The following OXR1 variants were observed in gnomAD, a reference collection of about 807,000 sequenced individuals.
OXR1 encodes oxidation resistance 1.
In OXR1, 41 loss-of-function variants were observed where a neutral mutation model predicts 104.6. The ratio of observed to expected loss-of-function variants is 0.39; its 90% CI spans 0.31 to 0.51. The LOEUF (loss-of-function observed/expected upper bound fraction) is 0.51, where lower values mean the gene tolerates loss of function less well. Among genes scored for constraint, OXR1 ranks in the 20% least tolerant of loss-of-function variants. The pLI is 0.77. For synonymous variants in OXR1, 348 were observed against 348.4 expected, an observed-to-expected ratio of 1.00 and a Z score of 0.01; for missense variants, 955 against 1,031.9, an observed-to-expected ratio of 0.93 and a Z score of 1.02.
At chr8:106,589,000 G>T (rs1818864611) in intron 3 of OXR1, among the ~76,000 whole-genome samples, 1 of 152,122 alleles carries the variant, frequency 6.6e-6, no homozygotes, top group African/African-American at 2.4e-5. Flanking sequence ...CTGGTATAAA[G>T]AAAGTGGCTT....
chr8:106,665,603 G>A (rs1193718658), intron 3 of OXR1, among the ~76,000 whole-genome samples: 2 of 152,054 alleles, frequency 1.3e-5, no homozygotes, highest in Admixed American at 6.5e-5. Flanking sequence ...AGAAGACAAG[G>A]GAAAGTAGGT....
rs1421356031 is a variant in OXR1 at position 106,339,509 on chromosome 8, AAAAAAAAAAAATATATATATAT to A, written c.-138-19965_-138-19944del. 8.6e-3 allele frequency among the ~76,000 whole-genome samples: 438 copies of A among 50,786 alleles called. 11 individuals are homozygous for A. Among genetic ancestry groups the A allele is most frequent in the African/African-American group, 0.053 (420 of 7,964 alleles). 33.3% of individuals were successfully genotyped at this position (50,786 alleles called of 152,430 possible). On this transcript the variant is annotated intron_variant, in intron 1 of 16. Transcript: ENST00000517566. ...ACTCCATCCAAAAAAAAAAAAAAAA[AAAAAAAAAAAATATATATATAT>A]ATATATATATATATATATATATATA...
chr8:106,460,726 T>C (rs1280402547), intron 2 of OXR1, among the ~76,000 whole-genome samples: 1 of 152,182 alleles, frequency 6.6e-6, no homozygotes, highest in East Asian at 1.9e-4. Flanking sequence ...AGGAAAAGAC[T>C]TTCTGTAAGG....
At chr8:106,494,632 C>A (rs1811303343) in intron 2 of OXR1, among the ~76,000 whole-genome samples, 1 of 152,156 alleles carries the variant, frequency 6.6e-6, no homozygotes, top group African/African-American at 2.4e-5. Context: ...CTATGTGCAA[C>A]TATATAGTCA....
intron 4 of OXR1, among the ~76,000 whole-genome samples, chr8:106,679,870 A>ATGATTTCAGTTCTCAGATTTGG (rs1827979348): frequency 6.6e-6 from 1 of 151,772 alleles, no homozygotes; most frequent in South Asian, 2.1e-4. Context: ...CAGCTTTGGT[A>ATGATTTCAGTTCTCAGATTTGG]TATGGTATGC....
At chr8:106,437,433 G>A (rs1212219787) in intron 2 of OXR1, among the ~76,000 whole-genome samples, 5 of 152,114 alleles carry the variant, frequency 3.3e-5, no homozygotes, top group African/African-American at 1.2e-4. Context: ...TTATAAGACT[G>A]CACTATTTTC....
intron 1 of OXR1, among the ~76,000 whole-genome samples, chr8:106,270,617 A>C (rs1007423037): frequency 1.3e-4 from 18 of 143,594 alleles, no homozygotes; most frequent in Non-Finnish European, 2.4e-4. Flanking sequence ...CTTGGGAAGA[A>C]GGAAAGACCG....
At chr8:106,715,604 G>A (rs1247839037) in intron 11 of OXR1, among the ~76,000 whole-genome samples, 3 of 151,934 alleles carry the variant, frequency 2.0e-5, no homozygotes, top group East Asian at 3.9e-4. Flanking sequence ...AGAAGAAAAG[G>A]TATTAGCTAG....
chr8:106,270,846 G>A (rs1191614934), intron 1 of OXR1, among the ~76,000 whole-genome samples: 2 of 152,136 alleles, frequency 1.3e-5, no homozygotes, highest in African/African-American at 2.4e-5. Context: ...TGGGGCGCGT[G>A]GAAAGCGGAT....
intron 2 of OXR1, among the ~76,000 whole-genome samples, chr8:106,511,732 A>G (rs1812544733): frequency 1.3e-5 from 2 of 152,238 alleles, no homozygotes; most frequent in Admixed American, 6.5e-5. Context: ...TAGCATGAAT[A>G]CCATTATTGT....
At chr8:106,374,262 T>C (rs1254297286) in intron 2 of OXR1, among the ~76,000 whole-genome samples, 1 of 152,198 alleles carries the variant, frequency 6.6e-6, no homozygotes, top group East Asian at 1.9e-4. Flanking sequence ...ACCATAGTGT[T>C]ATAATTACTT....
intron 11 of OXR1, among the ~76,000 whole-genome samples, chr8:106,715,718 GCT>G (rs1233270608): frequency 6.6e-6 from 1 of 152,050 alleles, no homozygotes; most frequent in East Asian, 1.9e-4. Flanking sequence ...GGAATTGAGA[GCT>G]TTCTCTCCAT....
At chr8:106,653,084 ATAT>A (rs1448153231) in intron 3 of OXR1, among the ~76,000 whole-genome samples, 65 of 63,722 alleles carry the variant, frequency 1.0e-3, no homozygotes, top group African/African-American at 4.5e-3. Context: ...AAAAAAAAAA[ATAT>A]ATATATATAT....
intron 2 of OXR1, among the ~76,000 whole-genome samples, chr8:106,373,917 T>TA (rs1337181334): frequency 3.0e-4 from 45 of 152,322 alleles, no homozygotes; most frequent in Middle Eastern, 3.4e-3. Flanking sequence ...AATCAGAATG[T>TA]AAAATCAAAA....
intron 2 of OXR1, among the ~76,000 whole-genome samples, chr8:106,467,476 GCAT>G (rs1821234566): frequency 6.6e-6 from 1 of 151,848 alleles, no homozygotes; most frequent in Non-Finnish European, 1.5e-5. Context: ...TTGATAGGCA[GCAT>G]GACCCTCAGC....
chr8:106,598,152 AC>A (rs1002270920), intron 3 of OXR1, among the ~76,000 whole-genome samples: 3 of 152,180 alleles, frequency 2.0e-5, no homozygotes, highest in African/African-American at 7.2e-5. Flanking sequence ...CCTCATCCAA[AC>A]CTTTTAAACT....
chr8:106,420,073 T>G lies in OXR1; in HGVS notation c.23+60437T>G, dbSNP rs575566824. On this transcript the variant is annotated intron_variant, in intron 2 of 16. Coordinates refer to ENST00000517566, the MANE Select transcript of OXR1 (RefSeq NM_001198533.2). ...AAATACCTTTAAGTATAAACATGTATGAATTTTACAGAATAATCTAAGGGG... is the reference window on the plus strand; with the variant it reads ...AAATACCTTTAAGTATAAACATGTAGGAATTTTACAGAATAATCTAAGGGG... Among the ~76,000 whole-genome samples the G allele has an allele frequency of 8.5e-4, 130 of 152,220 alleles. 3 individuals carry two copies. In the South Asian group the frequency reaches 0.027, roughly 31 times the overall value.
intron 2 of OXR1, among the ~76,000 whole-genome samples, chr8:106,414,921 G>T (rs1000663157): frequency 6.6e-6 from 1 of 152,100 alleles, no homozygotes; most frequent in African/African-American, 2.4e-5. Context: ...TCTTAATAAG[G>T]CTTAATAAAT....
chr8:106,526,391 C>T (rs1813663264), intron 3 of OXR1, among the ~76,000 whole-genome samples: 1 of 152,288 alleles, frequency 6.6e-6, no homozygotes, highest in South Asian at 2.1e-4. Context: ...TTTAATGACC[C>T]TCATGCTTCC....
Sources: gnomAD v4.1 joint callset for allele counts (sites outside exome capture counted in the v4.1 genomes callset) on GRCh38, gnomAD v4.1.1 for gene constraint, MANE v1.5 for transcripts, NCBI Gene and HGNC (gene_info 2026-07-23, HGNC 2026-07-21) for gene names.